The following OVCH2 variants were observed in gnomAD, a reference collection of about 807,000 sequenced individuals.
OVCH2 encodes ovochymase-2.
OVCH2 carries 88 observed loss-of-function variants against 73.7 expected under a neutral mutation model. The observed-to-expected ratio is 1.19, with a 90% confidence interval of 1.01 to 1.43. The LOEUF (loss-of-function observed/expected upper bound fraction) is 1.43, where lower values mean the gene tolerates loss of function less well. OVCH2 is among the 40% of genes most tolerant of loss of function. The pLI is 0.00. For synonymous variants in OVCH2, 265 were observed against 234.5 expected, an observed-to-expected ratio of 1.13 and a Z score of -1.19; for missense variants, 706 against 674.5, an observed-to-expected ratio of 1.05 and a Z score of -0.52.
Position 7,689,444 on chromosome 11 carries a change from G to A in OVCH2, c.*190C>T, listed in dbSNP as rs546873244. 2.4e-4 allele frequency: 76 copies of A among 315,698 alleles called. 2 individuals are homozygous for A. The highest frequency in any genetic ancestry group is 1.9e-3 in the South Asian group (69 of 35,956). The allele number at this position is 315,698 out of a possible 1,614,324, so 19.6% of individuals were successfully genotyped here. The stretch of plus-strand genomic sequence containing the variant: ...AAAGTACCACAAACTAGGTGGCTTA[G>A]AACAACAGAAATTTATTGTCTCATA... On this transcript the variant is annotated 3_prime_UTR_variant, in exon 16 of 16. Transcript: ENST00000533663.
intron 14 of OVCH2, 119 bp from the exon 15 acceptor site, chr11:7,690,132 CTCTATAG>C: frequency 1.5e-6 from 1 of 685,152 alleles, no homozygotes; most frequent in South Asian, 1.9e-5. Context: ...GCCAGCTAGA[CTCTATAG>C]GTATTTCAAA....
At chr11:7,679,886 T>TA in the OVCH2 span, among the ~76,000 whole-genome samples, 1 of 152,112 alleles carries the variant, frequency 6.6e-6, no homozygotes, top group Non-Finnish European at 1.5e-5. Context: ...AAGGGCTGAG[T>TA]TCAGGGAGCT....
rs377749442 is a variant in OVCH2 at position 7,696,759 on chromosome 11, C to T, written c.966G>A (p.Glu322=). The change falls in exon 9 of 16, where the codon GAG becomes GAA. Residue 322 remains glutamate (E), a synonymous_variant. Transcript: ENST00000533663. ...SEQDVIVSGA[E]GKLHFPESLH... is the part of the protein sequence containing the mutation. ...GGCTTTCTGGGAAGTGCAGCTTCCC[C>T]TCAGCCCCGCTGACTATGACATCCT... 1.8e-5 allele frequency: 29 copies of T among 1,611,840 alleles called. No homozygotes were observed. The African/African-American group carries it at 3.5e-4, about 19-fold the overall frequency.
chr11:7,702,217 T>C lies in OVCH2; in HGVS notation c.403A>G (p.Thr135Ala). 1 of 1,612,796 alleles carries C rather than the reference T, an allele frequency of 6.2e-7. No homozygotes were observed. Among genetic ancestry groups the C allele is most frequent in the Non-Finnish European group, 8.5e-7 (1 of 1,179,282 alleles). The change falls in exon 4 of 16, where the codon ACC becomes GCC. Residue 135 changes from threonine (T) to alanine (A), a missense_variant. By Grantham distance (58) the Thr-to-Ala change is moderately conservative. Transcript: ENST00000533663. The part of the protein sequence containing the change: ...ETVIIHPHFS[T>A]KKPMDYDIAL... ...ATATCATAGTCCATTGGTTTCTTGG[T>C]GGAGAAATGTGGATGTATGATGACA...
the OVCH2 span, among the ~76,000 whole-genome samples, chr11:7,678,988 T>A: frequency 1.3e-5 from 2 of 152,190 alleles, no homozygotes; most frequent in Non-Finnish European, 2.9e-5. Context: ...CAAAACAGTT[T>A]CCAGGCAGCT....
intron 7 of OVCH2, 162 bp downstream of exon 7, chr11:7,700,134 G>A (rs1856407191): frequency 1.5e-6 from 1 of 673,216 alleles, no homozygotes; most frequent in African/African-American, 1.8e-5. Flanking sequence ...TTTTACTCTT[G>A]TTTTATTTAG....
the OVCH2 span, among the ~76,000 whole-genome samples, chr11:7,683,829 A>G: frequency 3.3e-5 from 5 of 152,016 alleles, no homozygotes; most frequent in Admixed American, 2.6e-4. Context: ...AACCCTTATT[A>G]TCTGCATAGC....
downstream of OVCH2, among the ~76,000 whole-genome samples, chr11:7,685,704 T>C (rs758817072): frequency 2.0e-3 from 299 of 152,314 alleles, 3 homozygotes; most frequent in Non-Finnish European, 2.7e-3. Context: ...TCCCTAATTA[T>C]TGCAGGATAT....
intron 3 of OVCH2, among the ~76,000 whole-genome samples, chr11:7,702,611 T>C (rs1179076956): frequency 6.6e-5 from 10 of 152,178 alleles, no homozygotes; most frequent in African/African-American, 2.4e-5. Flanking sequence ...GGCACATACA[T>C]TGTAGTTCAG....
chr11:7,701,317 C>A lies in OVCH2; in HGVS notation c.711+7G>T. ...TGGGGCCTGACAGCCCCGCAGCTCC[C>A]ACCCACCTGACATGCGTCTCTCCCT... On this transcript the variant is annotated splice_region_variant and intron_variant, in intron 6 of 15. Coordinates refer to ENST00000533663, the MANE Select transcript of OVCH2 (RefSeq NM_198185.7). The A allele has an allele frequency of 6.2e-7, 1 of 1,607,514 alleles. No homozygotes were observed. Among genetic ancestry groups the A allele is most frequent in the Non-Finnish European group, 8.5e-7 (1 of 1,178,024 alleles).
chr11:7,698,852 C>T (rs756689899), intron 7 of OVCH2, 79 bp from the exon 8 acceptor site: 37 of 1,441,368 alleles, frequency 2.6e-5, no homozygotes, highest in East Asian at 4.7e-5. Context: ...ATCTTCTTGG[C>T]GCACAAGAGA....
At chr11:7,703,651 G>T in intron 3 of OVCH2, 47 bp downstream of exon 3, 1 of 1,426,868 alleles carries the variant, frequency 7.0e-7, no homozygotes, top group Non-Finnish European at 9.5e-7. Flanking sequence ...TTCCAAGGGA[G>T]AAGAAATGGT....
chr11:7,704,935 TC>T (rs1441244043), intron 1 of OVCH2, among the ~76,000 whole-genome samples: 1 of 152,140 alleles, frequency 6.6e-6, no homozygotes, highest in African/African-American at 2.4e-5. Context: ...AAGAAAAAAC[TC>T]CTCCCTCTTT....
intron 12 of OVCH2, among the ~76,000 whole-genome samples, chr11:7,694,320 A>C (rs1856279735): frequency 6.6e-6 from 1 of 152,134 alleles, no homozygotes; most frequent in Admixed American, 6.5e-5. Context: ...ATGTGGAATA[A>C]ACTCCATTTC....
At position 7,690,032 on chromosome 11, in the gene OVCH2, C is replaced by A. The variant is rs891255842; in HGVS notation, c.1640-19G>T. The A allele has an allele frequency of 2.8e-6, 4 of 1,449,122 alleles. No individual in the cohort carries two copies. The Admixed American group carries it at 6.0e-5, about 22-fold the overall frequency. 89.8% of individuals were successfully genotyped at this position (1,449,122 alleles called of 1,614,324 possible). ...GGGTATACTGGGTATAAGTATGATACAATTACTCAGTTTCCACAAAGACAG... is the reference window on the plus strand; with the variant it reads ...GGGTATACTGGGTATAAGTATGATAAAATTACTCAGTTTCCACAAAGACAG... On this transcript the variant is annotated intron_variant, in intron 14 of 15. Coordinates refer to ENST00000533663, the MANE Select transcript of OVCH2 (RefSeq NM_198185.7).
At chr11:7,681,958 C>T in the OVCH2 span, among the ~76,000 whole-genome samples, 38 of 151,934 alleles carry the variant, frequency 2.5e-4, no homozygotes, top group African/African-American at 8.7e-4. Flanking sequence ...CCTCTGCTTC[C>T]TTTTCTTTTA....
chr11:7,694,604 A>G (rs1317574937), intron 12 of OVCH2, among the ~76,000 whole-genome samples: 1 of 45,254 alleles, frequency 2.2e-5, no homozygotes, highest in African/African-American at 7.5e-5. Context: ...CACCAACACA[A>G]AGTTTTTGTT....
At chr11:7,692,381 G>A (rs896380793) in intron 12 of OVCH2, among the ~76,000 whole-genome samples, 4 of 152,162 alleles carry the variant, frequency 2.6e-5, no homozygotes, top group African/African-American at 9.7e-5. Context: ...CCTGGTTCCT[G>A]ATGTTTCATC....
At chr11:7,687,072 A>G (rs1856149405), downstream of OVCH2, among the ~76,000 whole-genome samples, 1 of 151,998 alleles carries the variant, frequency 6.6e-6, no homozygotes. Flanking sequence ...ACTTCTTTCT[A>G]CCTTAAAGGC....
Sources: allele counts gnomAD v4.1 joint callset (sites outside exome capture counted in the v4.1 genomes callset), GRCh38; gene constraint gnomAD v4.1.1; transcripts MANE v1.5; gene names NCBI Gene and HGNC (gene_info 2026-07-23, HGNC 2026-07-21).